ZC4H2: variants seen among roughly 807,000 people sequenced by gnomAD.
ZC4H2 encodes the protein zinc finger C4H2-type containing, also known as zinc finger C4H2 domain-containing protein.
For missense variants in ZC4H2, 137 were observed against 173.9 expected (o/e 0.79, Z 1.19); for synonymous variants, 84 against 66.3 (o/e 1.27, Z -1.30).
intron 1 of ZC4H2, among the ~76,000 whole-genome samples, chrX:64,964,890 A>G (rs1452501448): frequency 2.7e-5 from 3 of 112,076 alleles, no homozygotes; most frequent in Non-Finnish European, 3.8e-5. Context: ...TTCTTACATT[A>G]TATGTGCAGT....
chrX:64,929,197 GC>G (rs1248039216), intron 1 of ZC4H2, among the ~76,000 whole-genome samples: 1 of 110,419 alleles, frequency 9.1e-6, no homozygotes, highest in East Asian at 2.8e-4. Flanking sequence ...CTGCCCCTTT[GC>G]CCACTTTTTG....
chrX:65,001,967 A>G (rs1932546138), intron 1 of ZC4H2, among the ~76,000 whole-genome samples: 1 of 111,446 alleles, frequency 9.0e-6, no homozygotes, highest in Non-Finnish European at 1.9e-5. Context: ...GTAAAAAGAG[A>G]CTTAGACTCC....
At chrX:64,942,184 G>C (rs759635147) in intron 1 of ZC4H2, among the ~76,000 whole-genome samples, 1 of 111,495 alleles carries the variant, frequency 9.0e-6, no homozygotes, top group Admixed American at 9.6e-5. Context: ...TTTGCATAAA[G>C]GTGTTTTTAG....
At chrX:65,034,094 A>G (rs750921139) in intron 1 of ZC4H2, among the ~76,000 whole-genome samples, 1 of 110,637 alleles carries the variant, frequency 9.0e-6, no homozygotes, top group African/African-American at 3.3e-5. Context: ...GTCAAAAAAA[A>G]AAAAAAAAAA....
intron 1 of ZC4H2, among the ~76,000 whole-genome samples, chrX:64,944,410 ACT>A (rs780953345): frequency 1.8e-5 from 2 of 108,201 alleles, no homozygotes; most frequent in Non-Finnish European, 3.8e-5. Flanking sequence ...ATTGACCCCC[ACT>A]CTCTTCTTGC....
chrX:64,976,559 T>G (rs192115585), upstream of ZC4H2: 1,093 of 455,504 alleles, frequency 2.4e-3, 4 homozygotes, highest in African/African-American at 0.025. Context: ...CGGGGGCCTG[T>G]AGGACTACAA....
At chrX:65,022,309 T>C (rs1251898856) in intron 1 of ZC4H2, among the ~76,000 whole-genome samples, 2 of 111,326 alleles carry the variant, frequency 1.8e-5, no homozygotes, top group Non-Finnish European at 3.8e-5. Context: ...CAGGAGCACA[T>C]CAAAAAGCTT....
In ZC4H2 at chrX:64,947,119, G is replaced by C. The variant is rs1930572070; in HGVS notation, c.54-25131C>G. On this transcript the variant is annotated intron_variant, in intron 1 of 4. Transcript: ENST00000374839. Reference sequence around the variant, plus strand: ...ATCATTCAGATATATGTTGTTTAGTGTCCAAGCGTGTGTAGATTTTTCTGG... The same window carrying C: ...ATCATTCAGATATATGTTGTTTAGTCTCCAAGCGTGTGTAGATTTTTCTGG... 6.2e-5 allele frequency among the ~76,000 whole-genome samples: 7 copies of C among 112,032 alleles called. No individual in the cohort carries two copies. The South Asian group carries it at 2.6e-3, about 42-fold the overall frequency.
At chrX:64,937,145 G>A (rs1368213476) in intron 1 of ZC4H2, among the ~76,000 whole-genome samples, 2 of 109,591 alleles carry the variant, frequency 1.8e-5, no homozygotes, top group African/African-American at 6.6e-5. Flanking sequence ...AAGCAGACTT[G>A]AAACTAACCT....
upstream of ZC4H2, among the ~76,000 whole-genome samples, chrX:64,978,571 C>A (rs1932018059): frequency 1.8e-5 from 2 of 111,588 alleles, no homozygotes; most frequent in Admixed American, 9.5e-5. Context: ...TTCATCCTCA[C>A]AACCACTATG....
chrX:64,985,664 T>C (rs1419639824), intron 1 of ZC4H2, among the ~76,000 whole-genome samples: 1 of 111,405 alleles, frequency 9.0e-6, no homozygotes, highest in Non-Finnish European at 1.9e-5. Flanking sequence ...TCTGGGATAA[T>C]GTAAGAGGGA....
At chrX:64,977,857 T>C (rs923429244), upstream of ZC4H2, among the ~76,000 whole-genome samples, 1 of 111,922 alleles carries the variant, frequency 8.9e-6, no homozygotes, top group African/African-American at 3.3e-5. Flanking sequence ...AATTATTTTA[T>C]GTTTCAAAGC....
chrX:64,941,382 A>G (rs1187038212), intron 1 of ZC4H2, among the ~76,000 whole-genome samples: 1 of 111,427 alleles, frequency 9.0e-6, no homozygotes, highest in Non-Finnish European at 1.9e-5. Flanking sequence ...GAATACCATT[A>G]TTTCCTTCTC....
chrX:64,931,467 A>G (rs1392564534), intron 1 of ZC4H2, among the ~76,000 whole-genome samples: 2 of 111,130 alleles, frequency 1.8e-5, no homozygotes. Context: ...GCTCTTTCAG[A>G]CTTTTTGATT....
At chrX:64,992,121 T>C (rs1426982816) in intron 1 of ZC4H2, among the ~76,000 whole-genome samples, 1 of 112,013 alleles carries the variant, frequency 8.9e-6, no homozygotes. Flanking sequence ...TACTAAATTA[T>C]ACACTTAAAA....
intron 1 of ZC4H2, among the ~76,000 whole-genome samples, chrX:64,939,271 G>A (rs929904191): frequency 3.6e-5 from 4 of 111,876 alleles, no homozygotes; most frequent in African/African-American, 9.8e-5. Context: ...TCAAACCACT[G>A]CTCAAGGAAA....
upstream of ZC4H2, among the ~76,000 whole-genome samples, chrX:64,978,161 A>G (rs767107073): frequency 8.9e-6 from 1 of 111,925 alleles, no homozygotes; most frequent in South Asian, 3.8e-4. Flanking sequence ...GATCATTCCC[A>G]TGATCATGCT....
chrX:65,020,525 T>G (rs1027596643), intron 1 of ZC4H2, among the ~76,000 whole-genome samples: 2 of 111,753 alleles, frequency 1.8e-5, no homozygotes, highest in Non-Finnish European at 3.8e-5. Context: ...TAACAAGGGC[T>G]CCTGAAGAAA....
chrX:64,950,904 C>A (rs1233720658), intron 1 of ZC4H2, among the ~76,000 whole-genome samples: 2 of 110,354 alleles, frequency 1.8e-5, no homozygotes, highest in Non-Finnish European at 3.8e-5. Context: ...GTGCTGCACC[C>A]ATTAACTCGT....
Sources: allele counts gnomAD v4.1 joint callset (sites outside exome capture counted in the v4.1 genomes callset), GRCh38; gene constraint gnomAD v4.1.1; transcripts MANE v1.5; gene names NCBI Gene and HGNC (gene_info 2026-07-23, HGNC 2026-07-21).